Variants in FANCD2 observed in about 807,000 individuals in gnomAD.
The protein encoded by FANCD2 is Fanconi anemia group D2 protein.
In FANCD2, 131 loss-of-function variants were observed where a neutral mutation model predicts 192.3. The ratio of observed to expected loss-of-function variants is 0.68; its 90% CI spans 0.59 to 0.79. The LOEUF (loss-of-function observed/expected upper bound fraction) is 0.79. Among genes scored for constraint, FANCD2 ranks in the 30% least tolerant of loss-of-function variants. FANCD2 has a pLI of 0.00. For synonymous variants in FANCD2, 524 were observed against 612.5 expected (o/e 0.86, Z 2.13); for missense variants, 1,508 against 1,701.6 (o/e 0.89, Z 2.00).
rs1694413698 is a variant in FANCD2, at chr3:10,089,011, G to A, written c.3683+61G>A. ...ATAGAATCATCATCAGGCTGGGCAC[G>A]GTGGCACACACCTGTAATCCCAGCA... On this transcript the variant is annotated intron_variant, in intron 36 of 43. Transcript: ENST00000675286. The A allele has an allele frequency of 1.3e-5, 20 of 1,583,130 alleles. No homozygotes were observed. The South Asian group carries it at 1.3e-4, about 11-fold the overall frequency.
intron 19 of FANCD2, 42 bp from the exon 20 acceptor site, chr3:10,062,103 AAAACTT>A: frequency 1.4e-6 from 2 of 1,438,674 alleles, no homozygotes. Context: ...CATGTACCCT[AAAACTT>A]AAAGTATAAT....
intron 17 of FANCD2, among the ~76,000 whole-genome samples, chr3:10,050,280 G>C (rs1286072698): frequency 6.6e-6 from 1 of 152,050 alleles, no homozygotes; most frequent in Non-Finnish European, 1.5e-5. Flanking sequence ...AAGAAATTAT[G>C]GCTTAAGAGA....
intron 35 of FANCD2, 53 bp downstream of exon 35, chr3:10,088,595 ACTG>A: frequency 7.6e-7 from 1 of 1,312,008 alleles, no homozygotes; most frequent in Non-Finnish European, 1.1e-6. Flanking sequence ...CTATTTTGCT[ACTG>A]TTGTTTGTCA....
At chr3:10,063,136 G>T (rs570631951) in intron 20 of FANCD2, among the ~76,000 whole-genome samples, 1 of 152,154 alleles carries the variant, frequency 6.6e-6, no homozygotes, top group Non-Finnish European at 1.5e-5. Flanking sequence ...TGGAAAGTGG[G>T]ACATAAAGCT....
At chr3:10,061,192 A>G (rs2087557995) in intron 19 of FANCD2, among the ~76,000 whole-genome samples, 1 of 152,200 alleles carries the variant, frequency 6.6e-6, no homozygotes, top group Non-Finnish European at 1.5e-5. Flanking sequence ...TACTCTAGAA[A>G]TCCCCAGCAA....
At chr3:10,081,774 G>A (rs889120919) in intron 32 of FANCD2, among the ~76,000 whole-genome samples, 4 of 152,076 alleles carry the variant, frequency 2.6e-5, no homozygotes, top group Non-Finnish European at 2.9e-5. Flanking sequence ...GTTTGGTGAT[G>A]AGCTGAACAC....
intron 9 of FANCD2, 42 bp downstream of exon 9, chr3:10,039,887 T>C (rs770398576): frequency 1.2e-6 from 2 of 1,613,280 alleles, no homozygotes; most frequent in Non-Finnish European, 8.5e-7. Context: ...GGCTCAGCTA[T>C]GGGGGTTCTA....
chr3:10,041,833 G>T, intron 10 of FANCD2, 123 bp downstream of exon 10: 5 of 659,338 alleles, frequency 7.6e-6, no homozygotes, highest in East Asian at 3.0e-5. Flanking sequence ...AATCACATTT[G>T]ATATCTCTCT....
chr3:10,048,444 C>T (rs2087095668), intron 16 of FANCD2, among the ~76,000 whole-genome samples: 1 of 152,186 alleles, frequency 6.6e-6, no homozygotes, highest in Non-Finnish European at 1.5e-5. Flanking sequence ...GCTGTGATTA[C>T]AGGCACACAC....
At chr3:10,044,466 G>A (rs1246493642) in intron 14 of FANCD2, among the ~76,000 whole-genome samples, 22 of 151,898 alleles carry the variant, frequency 1.4e-4, no homozygotes, top group Admixed American at 3.9e-4. Context: ...TCAGGAGTTT[G>A]AGACCAGCCT....
At chr3:10,075,728 C>CTTTTTTTT (rs71052292) in intron 29 of FANCD2, among the ~76,000 whole-genome samples, 3 of 106,618 alleles carry the variant, frequency 2.8e-5, no homozygotes, top group African/African-American at 3.7e-5. Context: ...AAATAGTATC[C>CTTTTTTTT]TTTTTTTTTT....
At chr3:10,095,149 A>G (rs749651234) in intron 40 of FANCD2, 51 bp from the exon 41 acceptor site, 33 of 1,473,710 alleles carry the variant, frequency 2.2e-5, no homozygotes, top group Non-Finnish European at 3.1e-5. Context: ...TCTTGAATCT[A>G]AAATGAAATC....
At chr3:10,050,447 A>AC (rs1449887216) in intron 17 of FANCD2, among the ~76,000 whole-genome samples, 1 of 151,762 alleles carries the variant, frequency 6.6e-6, no homozygotes, top group Non-Finnish European at 1.5e-5. Flanking sequence ...ACACGGTGAA[A>AC]CCCCGTCTCT....
At chr3:10,060,149 A>G (rs1022741903) in intron 18 of FANCD2, 145 bp from the exon 19 acceptor site, 2 of 629,908 alleles carry the variant, frequency 3.2e-6, no homozygotes, top group African/African-American at 3.7e-5. Context: ...CCTAGGCAAC[A>G]AGAACGAAAG....
intron 2 of FANCD2, among the ~76,000 whole-genome samples, chr3:10,029,042 GTCTT>G (rs1264642647): frequency 6.6e-6 from 1 of 152,136 alleles, no homozygotes; most frequent in Non-Finnish European, 1.5e-5. Flanking sequence ...AAACTTTATG[GTCTT>G]TCTTCCTCTC....
intron 18 of FANCD2, among the ~76,000 whole-genome samples, chr3:10,053,536 AAAT>A (rs147264450): frequency 0.19 from 28,821 of 149,628 alleles, 3,118 homozygotes; most frequent in African/African-American, 0.3. Context: ...ATAATAATAA[AAAT>A]AAAATAAAAT....
chr3:10,096,806 T>C (rs1208974893), intron 42 of FANCD2, among the ~76,000 whole-genome samples: 1 of 152,210 alleles, frequency 6.6e-6, no homozygotes, highest in Non-Finnish European at 1.5e-5. Flanking sequence ...AACATTTTTG[T>C]ATAGGGACAA....
intron 26 of FANCD2, among the ~76,000 whole-genome samples, chr3:10,071,736 A>G (rs1305060510): frequency 6.6e-6 from 1 of 152,126 alleles, no homozygotes; most frequent in Non-Finnish European, 1.5e-5. Context: ...TCAAAAATAT[A>G]ATTAGATAGA....
chr3:10,062,056 A>C, intron 19 of FANCD2, 95 bp from the exon 20 acceptor site: 1 of 828,384 alleles, frequency 1.2e-6, no homozygotes, highest in Non-Finnish European at 1.9e-6. Flanking sequence ...CCAACATGGC[A>C]CATGTATACA....
Sources: allele counts gnomAD v4.1 joint callset (sites outside exome capture counted in the v4.1 genomes callset), GRCh38; gene constraint gnomAD v4.1.1; transcripts MANE v1.5; gene names NCBI Gene and HGNC (gene_info 2026-07-23, HGNC 2026-07-21).